Variants in NDST4 observed in about 807,000 individuals in gnomAD.
The protein encoded by NDST4 is N-heparan sulfate sulfotransferase 4.
NDST4 carries 63 observed loss-of-function variants against 100.8 expected under a neutral mutation model. That is an observed-to-expected ratio of 0.62 (90% CI 0.51 to 0.77). The LOEUF (loss-of-function observed/expected upper bound fraction) is 0.77. Among genes scored for constraint, NDST4 ranks in the 30% least tolerant of loss-of-function variants. The probability of loss-of-function intolerance (pLI) is 0.00; values close to 1 mark genes in which losing one functional copy is unlikely to be tolerated. For missense variants in NDST4, 943 were observed against 1,018.4 expected, an observed-to-expected ratio of 0.93 and a Z score of 1.01; for synonymous variants, 377 against 361.8, an observed-to-expected ratio of 1.04 and a Z score of -0.48.
At chr4:115,079,787 ATAGT>A (rs749132366) in intron 1 of NDST4, among the ~76,000 whole-genome samples, 2 of 152,176 alleles carry the variant, frequency 1.3e-5, no homozygotes, top group South Asian at 2.1e-4. Context: ...TTTAGATTAC[ATAGT>A]TAAACATTGC....
chr4:114,942,719 G>T (rs1440398451), intron 4 of NDST4, among the ~76,000 whole-genome samples: 1 of 151,956 alleles, frequency 6.6e-6, no homozygotes, highest in African/African-American at 2.4e-5. Flanking sequence ...CTGACTTTAT[G>T]TTGGTAAATG....
chr4:115,011,838 G>A (rs1166244245), intron 2 of NDST4, among the ~76,000 whole-genome samples: 10 of 151,872 alleles, frequency 6.6e-5, no homozygotes, highest in East Asian at 5.8e-4. Flanking sequence ...TAGTTACATC[G>A]CCCTTGATGA....
At chr4:115,068,589 A>ACT (rs1416672276) in intron 2 of NDST4, among the ~76,000 whole-genome samples, 1 of 151,420 alleles carries the variant, frequency 6.6e-6, no homozygotes, top group Non-Finnish European at 1.5e-5. Flanking sequence ...AGGGCAGATC[A>ACT]TGAGATCAGG....
At chr4:115,055,150 C>A (rs1040268729) in intron 2 of NDST4, among the ~76,000 whole-genome samples, 14 of 152,112 alleles carry the variant, frequency 9.2e-5, no homozygotes, top group African/African-American at 3.4e-4. Flanking sequence ...GAATCTAATG[C>A]CTCATGATCT....
At chr4:115,010,185 G>T (rs1225769290) in intron 2 of NDST4, among the ~76,000 whole-genome samples, 1 of 127,396 alleles carries the variant, frequency 7.8e-6, no homozygotes. Context: ...CCCATTACTG[G>T]GTATATACCC....
chr4:115,054,904 C>A (rs1192960995), intron 2 of NDST4, among the ~76,000 whole-genome samples: 1 of 152,092 alleles, frequency 6.6e-6, no homozygotes, highest in Non-Finnish European at 1.5e-5. Flanking sequence ...AGGGTTCCTC[C>A]ACTCCTGGGC....
chr4:114,841,526 GCA>G (rs1723425267), intron 10 of NDST4, among the ~76,000 whole-genome samples: 1 of 152,054 alleles, frequency 6.6e-6, no homozygotes, highest in Admixed American at 6.6e-5. Context: ...GCGCAGAGAG[GCA>G]CACACATCAT....
intron 4 of NDST4, among the ~76,000 whole-genome samples, chr4:114,952,057 G>T (rs1726001113): frequency 6.6e-6 from 1 of 152,234 alleles, no homozygotes; most frequent in South Asian, 2.1e-4. Context: ...TATTTGAAAA[G>T]AATTGGAGTT....
chr4:115,034,487 T>G (rs1158367440), intron 2 of NDST4, among the ~76,000 whole-genome samples: 1 of 152,104 alleles, frequency 6.6e-6, no homozygotes, highest in Non-Finnish European at 1.5e-5. Flanking sequence ...TAAAATATTA[T>G]AATAATTAAT....
In NDST4 at chr4:114,848,210, C is replaced by T. The variant is rs750333155; in HGVS notation, c.1940+5G>A. Reference sequence around the variant, plus strand: ...ATGGAATTTATTTTTTGTTATTTTTCTTACCAGTCTATTCCTTTGTGATAG... The same window carrying T: ...ATGGAATTTATTTTTTGTTATTTTTTTTACCAGTCTATTCCTTTGTGATAG... On this transcript the variant is annotated splice_donor_5th_base_variant and intron_variant, in intron 9 of 13. Transcript: ENST00000264363. 15 of 1,587,998 alleles carry T rather than the reference C, an allele frequency of 9.4e-6. No homozygotes were observed. The Middle Eastern group carries it at 5.1e-4, about 54-fold the overall frequency.
At chr4:115,113,229 T>C (rs1729989846) in intron 1 of NDST4, among the ~76,000 whole-genome samples, 1 of 151,968 alleles carries the variant, frequency 6.6e-6, no homozygotes, top group Non-Finnish European at 1.5e-5. Flanking sequence ...CTGTATTTTC[T>C]ACTTACGTGC....
chr4:114,903,693 G>A (rs937624907), intron 6 of NDST4, among the ~76,000 whole-genome samples: 12 of 151,948 alleles, frequency 7.9e-5, no homozygotes, highest in African/African-American at 1.4e-4. Context: ...ATGGAGTTGC[G>A]ACTGCCAAGG....
intron 6 of NDST4, among the ~76,000 whole-genome samples, chr4:114,921,484 T>G (rs1725284676): frequency 1.3e-5 from 2 of 152,200 alleles, no homozygotes; most frequent in African/African-American, 4.8e-5. Context: ...ACTCATGGGC[T>G]TCTAATACAC....
At chr4:114,884,652 A>G (rs1258649951) in intron 6 of NDST4, among the ~76,000 whole-genome samples, 1 of 152,142 alleles carries the variant, frequency 6.6e-6, no homozygotes, top group African/African-American at 2.4e-5. Context: ...TTTTCTTATA[A>G]TGTTGGCTTG....
At chr4:115,044,667 A>G (rs772993128) in intron 2 of NDST4, among the ~76,000 whole-genome samples, 6 of 151,776 alleles carry the variant, frequency 4.0e-5, no homozygotes, top group Non-Finnish European at 5.9e-5. Context: ...ATGTTAGGAA[A>G]CAAGACACCA....
chr4:114,951,318 C>G (rs1725985721), intron 4 of NDST4, among the ~76,000 whole-genome samples: 1 of 151,858 alleles, frequency 6.6e-6, no homozygotes, highest in Non-Finnish European at 1.5e-5. Context: ...TACTTGTGAC[C>G]ACTTTCAGTA....
Position 115,076,712 on chromosome 4 carries a change from C to T in NDST4, c.325G>A (p.Val109Ile). The T allele has an allele frequency of 6.2e-7, 1 of 1,613,856 alleles. No homozygotes were observed. Among genetic ancestry groups the T allele is most frequent in the African/African-American group, 1.3e-5 (1 of 75,030 alleles). The change falls in exon 2 of 14, where the codon GTT becomes ATT. Residue 109 changes from valine (V) to isoleucine (I), a missense_variant. Physicochemically the swap from Val to Ile is conservative, Grantham distance 29 (BLOSUM62 3). Coordinates refer to ENST00000264363, the MANE Select transcript of NDST4 (RefSeq NM_022569.3). ...ATATCTCCCTTTCCAGGGGCAATAA[C>T]CATGTGGTACTGAAATCGGCTGGAC... ...LESSRFQYHM[V>I]IAPGKGDIPP...
chr4:115,021,936 TC>T (rs1039818324), intron 2 of NDST4, among the ~76,000 whole-genome samples: 6 of 152,140 alleles, frequency 3.9e-5, no homozygotes, highest in African/African-American at 1.4e-4. Flanking sequence ...CTATACACAT[TC>T]CATATATATA....
At chr4:115,109,077 AGTG>A (rs1461624972) in intron 1 of NDST4, among the ~76,000 whole-genome samples, 4 of 151,792 alleles carry the variant, frequency 2.6e-5, no homozygotes, top group Admixed American at 6.6e-5. Context: ...GGAAGGAAAA[AGTG>A]GTAAAATAAG....
Sources: gnomAD v4.1 joint callset for allele counts (sites outside exome capture counted in the v4.1 genomes callset) on GRCh38, gnomAD v4.1.1 for gene constraint, MANE v1.5 for transcripts, NCBI Gene and HGNC (gene_info 2026-07-23, HGNC 2026-07-21) for gene names.